NRG3: variants seen among roughly 807,000 people sequenced by gnomAD.
The protein encoded by NRG3 is neuregulin 3.
In NRG3, 31 loss-of-function variants were observed where a neutral mutation model predicts 66.9. The ratio of observed to expected loss-of-function variants is 0.46; its 90% CI spans 0.35 to 0.63. The LOEUF (loss-of-function observed/expected upper bound fraction) is 0.63. Ranked by LOEUF, NRG3 falls within the 20% of genes least tolerant of loss-of-function variation. The probability of loss-of-function intolerance (pLI) is 0.00; values close to 1 mark genes in which losing one functional copy is unlikely to be tolerated. For missense variants in NRG3, 910 were observed against 878.9 expected, an observed-to-expected ratio of 1.04 and a Z score of -0.45; for synonymous variants, 393 against 359.4, an observed-to-expected ratio of 1.09 and a Z score of -1.06.
intron 2 of NRG3, among the ~76,000 whole-genome samples, chr10:82,709,362 T>TC (rs1044969970): frequency 6.6e-6 from 1 of 150,726 alleles, no homozygotes; most frequent in African/African-American, 2.4e-5. Flanking sequence ...GCTGGTTTTT[T>TC]TTTGTTTTTG....
chr10:82,798,461 T>C (rs2060894195), intron 3 of NRG3, among the ~76,000 whole-genome samples: 1 of 152,106 alleles, frequency 6.6e-6, no homozygotes, highest in Non-Finnish European at 1.5e-5. Context: ...ATCTGCTCTA[T>C]AGTTGTGAGA....
intron 1 of NRG3, among the ~76,000 whole-genome samples, chr10:82,259,923 C>A (rs1180365876): frequency 6.9e-6 from 1 of 144,890 alleles, no homozygotes; most frequent in African/African-American, 2.7e-5. Context: ...CAGGGCAAGA[C>A]CTTGTCTCTA....
In NRG3 at chr10:82,266,085, T is replaced by C. The variant is rs138696995; in HGVS notation, c.824-92654T>C. ...TGAGTGCCAGAGGGTTTGGGGAGTA[T>C]AGAAGATGTAGGAGCTTGAGTCCCA... On this transcript the variant is annotated intron_variant, in intron 1 of 8. Coordinates refer to ENST00000372141, the MANE Select transcript of NRG3 (RefSeq NM_001010848.4). Among the ~76,000 whole-genome samples, 78 of 152,266 alleles carry C rather than the reference T, an allele frequency of 5.1e-4. No homozygotes were observed. The East Asian group carries it at 0.014, about 28-fold the overall frequency.
intron 1 of NRG3, among the ~76,000 whole-genome samples, chr10:82,157,397 G>A (rs1389108076): frequency 1.3e-5 from 2 of 151,534 alleles, no homozygotes; most frequent in African/African-American, 4.8e-5. Context: ...CAAAGGAATC[G>A]GTTGCTGTCT....
intron 2 of NRG3, among the ~76,000 whole-genome samples, chr10:82,609,649 A>G (rs1428865265): frequency 6.6e-6 from 1 of 152,068 alleles, no homozygotes; most frequent in East Asian, 1.9e-4. Context: ...CATGTGTTAA[A>G]CCTCATAATC....
intron 1 of NRG3, among the ~76,000 whole-genome samples, chr10:81,941,028 G>T (rs1848361201): frequency 6.6e-6 from 1 of 152,098 alleles, no homozygotes. Context: ...AAGAAGCACA[G>T]TAAAAATAAA....
intron 3 of NRG3, among the ~76,000 whole-genome samples, chr10:82,773,197 C>G (rs1203231915): frequency 6.6e-6 from 1 of 152,122 alleles, no homozygotes; most frequent in Admixed American, 6.6e-5. Flanking sequence ...AATCTACATT[C>G]CCGCCAACTG....
At chr10:82,145,503 C>A (rs1161803627) in intron 1 of NRG3, among the ~76,000 whole-genome samples, 1 of 152,136 alleles carries the variant, frequency 6.6e-6, no homozygotes, top group Non-Finnish European at 1.5e-5. Context: ...GACAAGGAGA[C>A]ATAGGTATTT....
At chr10:81,991,376 G>A (rs897479748) in intron 1 of NRG3, among the ~76,000 whole-genome samples, 1 of 152,094 alleles carries the variant, frequency 6.6e-6, no homozygotes, top group Non-Finnish European at 1.5e-5. Flanking sequence ...CACCTAGTAA[G>A]CACTCTGCCT....
chr10:82,023,006 A>G (rs2062131392), intron 1 of NRG3, among the ~76,000 whole-genome samples: 1 of 151,482 alleles, frequency 6.6e-6, no homozygotes, highest in Admixed American at 6.6e-5. Context: ...GGTAATTAGG[A>G]TATTCATCAC....
chr10:82,985,598 C>T lies in NRG3; in HGVS notation c.2084C>T (p.Thr695Ile), dbSNP rs144475341. 3.7e-6 allele frequency: 6 copies of T among 1,610,062 alleles called. No homozygotes were observed. Among genetic ancestry groups the T allele is most frequent in the Admixed American group, 1.7e-5 (1 of 59,770 alleles). The stretch of plus-strand genomic sequence containing the variant: ...GAAATACAAAGAGACTCTGCATTGA[C>T]CAAGTGACTTGAGATGTAGGAATCT... ...RNEIQRDSALTK is the reference protein window; with the variant it reads ...RNEIQRDSALIK Residue 695 changes from threonine (T) to isoleucine (I), a missense_variant, in exon 9 of 9, where the codon ACC becomes ATC. Coordinates refer to ENST00000372141, the MANE Select transcript of NRG3 (RefSeq NM_001010848.4).
intron 1 of NRG3, chr10:82,232,834 A>G (rs1564691987): frequency 7.0e-6 from 5 of 717,224 alleles, no homozygotes; most frequent in Non-Finnish European, 1.3e-5. Flanking sequence ...GTTGTAAGGC[A>G]TGGCCTTTGT....
At chr10:81,883,950 G>A (rs1452692281) in intron 1 of NRG3, among the ~76,000 whole-genome samples, 4 of 152,172 alleles carry the variant, frequency 2.6e-5, no homozygotes, top group Non-Finnish European at 4.4e-5. Context: ...GGGTTACCGT[G>A]TGCCTGGGCA....
intron 1 of NRG3, among the ~76,000 whole-genome samples, chr10:82,118,069 A>G (rs1320880727): frequency 6.6e-6 from 1 of 152,078 alleles, no homozygotes; most frequent in East Asian, 1.9e-4. Context: ...TGTTAAGATG[A>G]CTGTCCAACT....
At chr10:82,353,897 T>C (rs983397439) in intron 1 of NRG3, among the ~76,000 whole-genome samples, 2 of 152,258 alleles carry the variant, frequency 1.3e-5, no homozygotes, top group African/African-American at 4.8e-5. Context: ...GGCTGATTTT[T>C]CCCTCCTTTA....
At chr10:82,147,535 C>G in intron 1 of NRG3, among the ~76,000 whole-genome samples, 1 of 151,972 alleles carries the variant, frequency 6.6e-6, no homozygotes, top group Non-Finnish European at 1.5e-5. Flanking sequence ...ACACTAAAAC[C>G]AAAAGTATTA....
intron 1 of NRG3, among the ~76,000 whole-genome samples, chr10:82,084,900 C>T (rs2065629440): frequency 1.3e-5 from 2 of 152,080 alleles, no homozygotes; most frequent in African/African-American, 2.4e-5. Context: ...AATGATGTTA[C>T]CACTGCATGA....
chr10:82,195,281 C>T (rs915730508), intron 1 of NRG3, among the ~76,000 whole-genome samples: 1 of 152,118 alleles, frequency 6.6e-6, no homozygotes, highest in African/African-American at 2.4e-5. Context: ...TTTCCATGGA[C>T]ACGTGCAGTT....
chr10:82,450,306 A>G (rs1488181175), intron 2 of NRG3, among the ~76,000 whole-genome samples: 1 of 152,150 alleles, frequency 6.6e-6, no homozygotes, highest in East Asian at 1.9e-4. Flanking sequence ...TGGTGAGCAC[A>G]GATAAGACCT....
Sources: gnomAD v4.1 joint callset for allele counts (sites outside exome capture counted in the v4.1 genomes callset) on GRCh38, gnomAD v4.1.1 for gene constraint, MANE v1.5 for transcripts, NCBI Gene and HGNC (gene_info 2026-07-23, HGNC 2026-07-21) for gene names.